The following CAST variants were observed in gnomAD, a reference collection of about 807,000 sequenced individuals.
The protein encoded by CAST is MIR583 host.
CAST carries 76 observed loss-of-function variants against 119.6 expected under a neutral mutation model. The observed-to-expected ratio is 0.64, with a 90% CI of 0.53 to 0.77. The LOEUF (loss-of-function observed/expected upper bound fraction) is 0.77. Ranked by LOEUF, CAST falls within the 30% of genes least tolerant of loss-of-function variation. The pLI is 0.00. For missense variants in CAST, 953 were observed against 946.5 expected (o/e 1.01, Z -0.09); for synonymous variants, 319 against 331.6 (o/e 0.96, Z 0.41).
At chr5:96,559,125 G>C in intron 1 of CAST, among the ~76,000 whole-genome samples, 1 of 152,022 alleles carries the variant, frequency 6.6e-6, no homozygotes, top group Non-Finnish European at 1.5e-5. Flanking sequence ...TATCTCAATA[G>C]ATGCAGAAAA....
chr5:96,392,961 A>AGAAG, the CAST span: 23 of 1,607,770 alleles, frequency 1.4e-5, no homozygotes, highest in Non-Finnish European at 2.0e-5. Context: ...AGGGTAAGGA[A>AGAAG]GAAGCATGAA....
At chr5:96,378,273 C>G in the CAST span, among the ~76,000 whole-genome samples, 1 of 152,056 alleles carries the variant, frequency 6.6e-6, no homozygotes, top group African/African-American at 2.4e-5. Flanking sequence ...CTACAGTTAA[C>G]AAATACCATA....
chr5:96,035,980 A>C, the CAST span, among the ~76,000 whole-genome samples: 1 of 151,794 alleles, frequency 6.6e-6, no homozygotes, highest in South Asian at 2.1e-4. Flanking sequence ...ATATTACTCT[A>C]TCTGGAATTC....
intron 2 of CAST, among the ~76,000 whole-genome samples, chr5:96,690,333 G>A (rs1188110211): frequency 6.6e-6 from 1 of 152,082 alleles, no homozygotes; most frequent in Non-Finnish European, 1.5e-5. Flanking sequence ...CCAGGTTCAG[G>A]CGATTCTCCT....
At chr5:95,988,369 A>G in the CAST span, among the ~76,000 whole-genome samples, 21 of 151,384 alleles carry the variant, frequency 1.4e-4, no homozygotes, top group African/African-American at 4.6e-4. Context: ...AGCTGCCGGT[A>G]TGTGTGTGTG....
the CAST span, among the ~76,000 whole-genome samples, chr5:96,323,655 GACC>G: frequency 6.6e-6 from 1 of 152,132 alleles, no homozygotes; most frequent in Non-Finnish European, 1.5e-5. Context: ...AGCCAAAAAT[GACC>G]ACTTATTGTT....
chr5:96,719,824 G>A (rs1349051172), intron 3 of CAST, among the ~76,000 whole-genome samples: 2 of 152,138 alleles, frequency 1.3e-5, no homozygotes, highest in South Asian at 2.1e-4. Context: ...TCCCAGGCCT[G>A]GCGTACACAG....
intron 1 of CAST, among the ~76,000 whole-genome samples, chr5:96,628,134 A>G (rs1274584112): frequency 6.6e-6 from 1 of 152,226 alleles, no homozygotes; most frequent in Non-Finnish European, 1.5e-5. Flanking sequence ...ACTTTACTTA[A>G]TCATCTGCTT....
the CAST span, among the ~76,000 whole-genome samples, chr5:96,324,839 C>G: frequency 1.3e-5 from 2 of 151,964 alleles, no homozygotes; most frequent in East Asian, 3.9e-4. Context: ...TATGAAGTGA[C>G]AAGAGTAAAC....
the CAST span, among the ~76,000 whole-genome samples, chr5:96,152,763 T>C: frequency 8.2e-6 from 1 of 121,220 alleles, no homozygotes. Flanking sequence ...AAATCAACTA[T>C]TTTCATTTAA....
intron 3 of CAST, among the ~76,000 whole-genome samples, chr5:96,719,566 T>C (rs1252565715): frequency 1.3e-5 from 2 of 152,362 alleles, no homozygotes; most frequent in South Asian, 2.1e-4. Flanking sequence ...TGTGCCTTAA[T>C]TCAAGTTTAT....
chr5:95,962,719 T>C, the CAST span, among the ~76,000 whole-genome samples: 1 of 152,166 alleles, frequency 6.6e-6, no homozygotes, highest in Admixed American at 6.5e-5. Flanking sequence ...GTGGGGATGA[T>C]ATCTCCTTAA....
the CAST span, among the ~76,000 whole-genome samples, chr5:96,498,703 T>C: frequency 6.6e-6 from 1 of 152,192 alleles, no homozygotes; most frequent in African/African-American, 2.4e-5. Context: ...TGATGCACCA[T>C]TCAGATTTTC....
At chr5:96,223,602 C>T in the CAST span, among the ~76,000 whole-genome samples, 2 of 152,118 alleles carry the variant, frequency 1.3e-5, no homozygotes, top group Non-Finnish European at 2.9e-5. Context: ...AGACTTTAGA[C>T]TTTACACTTC....
the CAST span, among the ~76,000 whole-genome samples, chr5:96,356,966 A>G: frequency 6.6e-6 from 1 of 152,222 alleles, no homozygotes; most frequent in South Asian, 2.1e-4. Flanking sequence ...ATCCTTGAGC[A>G]TGAAATGTTT....
chr5:96,058,790 A>G, the CAST span, among the ~76,000 whole-genome samples: 1 of 152,110 alleles, frequency 6.6e-6, no homozygotes, highest in Non-Finnish European at 1.5e-5. Flanking sequence ...AATGCATAGG[A>G]GAAAGACAAA....
At chr5:96,226,705 T>C in the CAST span, among the ~76,000 whole-genome samples, 10 of 152,168 alleles carry the variant, frequency 6.6e-5, no homozygotes, top group African/African-American at 2.4e-4. Context: ...ATCTGTTTTA[T>C]TGCAGATAGT....
At chr5:96,396,271 G>C in the CAST span, among the ~76,000 whole-genome samples, 2 of 152,112 alleles carry the variant, frequency 1.3e-5, no homozygotes. Flanking sequence ...TTTTCAAAAA[G>C]TTATCTAGGC....
the CAST span, among the ~76,000 whole-genome samples, chr5:96,419,321 A>G: frequency 6.8e-6 from 1 of 147,770 alleles, no homozygotes; most frequent in African/African-American, 2.5e-5. Flanking sequence ...ATATATATAT[A>G]TATATAAAAC....
Sources: allele counts gnomAD v4.1 joint callset (sites outside exome capture counted in the v4.1 genomes callset), GRCh38; gene constraint gnomAD v4.1.1; transcripts MANE v1.5; gene names NCBI Gene and HGNC (gene_info 2026-07-23, HGNC 2026-07-21).